The following MAP2K4 variants were observed in gnomAD, a reference collection of about 807,000 sequenced individuals.
MAP2K4 encodes dual specificity mitogen-activated protein kinase kinase 4.
MAP2K4 carries 4 observed loss-of-function variants against 48.5 expected under a neutral mutation model. The ratio of observed to expected loss-of-function variants is 0.08; its 90% CI spans 0.04 to 0.19. The LOEUF (loss-of-function observed/expected upper bound fraction) is 0.19, where lower values mean the gene tolerates loss of function less well. MAP2K4 is among the 10% of genes least tolerant of loss of function. The pLI, the probability that MAP2K4 is intolerant of heterozygous loss-of-function variation, is 1.00. For missense variants in MAP2K4, 258 were observed against 493.3 expected (o/e 0.52, Z 4.52); for synonymous variants, 166 against 173.1 (o/e 0.96, Z 0.32).
rs571894975 is a variant in MAP2K4 at position 12,127,571 on chromosome 17, AATTT to A, written c.892-1563_892-1560del. ...TATTCTGTACTTACAGTTGGTTCATAATTTATTTTTCATAGGGACAGTCTTATAA... is the reference window on the plus strand; with the variant it reads ...TATTCTGTACTTACAGTTGGTTCATAATTTTTCATAGGGACAGTCTTATAA... On this transcript the variant is annotated intron_variant, in intron 8 of 10. Transcript: ENST00000353533. Among the ~76,000 whole-genome samples the A allele has an allele frequency of 5.3e-4, 81 of 152,286 alleles. 3 individuals carry two copies. In the South Asian group the frequency reaches 5.4e-3, roughly 10 times the overall value.
At position 12,107,909 on chromosome 17, in the gene MAP2K4, A is replaced by G. The variant is rs1467442021; in HGVS notation, c.633A>G (p.Ala211=). 1.0e-5 allele frequency: 16 copies of G among 1,590,522 alleles called. No homozygotes were observed. Among genetic ancestry groups the G allele is most frequent in the African/African-American group, 1.4e-5 (1 of 73,354 alleles). The change falls in exon 5 of 11, where the codon GCA becomes GCG. Residue 211 remains alanine (A), a splice_region_variant and synonymous_variant. Coordinates refer to ENST00000353533, the MANE Select transcript of MAP2K4 (RefSeq NM_003010.4). ...AAATTTTAGGCAAAATCACTTTAGC[A>G]GTAAGTACCTGGTCTTTAAATTATT... ...PEEILGKITL[A]TVKALNHLKE... is the part of the protein sequence containing the mutation.
intron 3 of MAP2K4, among the ~76,000 whole-genome samples, chr17:12,085,488 A>T (rs1218450350): frequency 6.6e-6 from 1 of 151,864 alleles, no homozygotes; most frequent in Non-Finnish European, 1.5e-5. Flanking sequence ...TGAGTTAGCA[A>T]TGTGACCTGG....
chr17:12,126,853 C>G (rs1409346236), intron 8 of MAP2K4, among the ~76,000 whole-genome samples: 1 of 152,178 alleles, frequency 6.6e-6, no homozygotes, highest in East Asian at 1.9e-4. Context: ...GCTTCTTTAG[C>G]TGCTTCTACA....
intron 2 of MAP2K4, among the ~76,000 whole-genome samples, chr17:12,080,012 T>G (rs1345379337): frequency 6.6e-6 from 1 of 152,214 alleles, no homozygotes; most frequent in Non-Finnish European, 1.5e-5. Flanking sequence ...TCACTTAGTA[T>G]GATTTGAAAG....
chr17:12,025,806 A>C (rs1387268592), intron 1 of MAP2K4, among the ~76,000 whole-genome samples: 1 of 152,222 alleles, frequency 6.6e-6, no homozygotes, highest in African/African-American at 2.4e-5. Context: ...TATTTCTCCC[A>C]AAAATATTTG....
intron 7 of MAP2K4, among the ~76,000 whole-genome samples, chr17:12,122,185 C>CTTA (rs1262910326): frequency 6.6e-6 from 1 of 152,232 alleles, no homozygotes; most frequent in Non-Finnish European, 1.5e-5. Flanking sequence ...TTCACCTTAT[C>CTTA]TTATTTAAGT....
chr17:12,050,713 G>A (rs1567633679), intron 1 of MAP2K4, among the ~76,000 whole-genome samples: 1 of 152,166 alleles, frequency 6.6e-6, no homozygotes, highest in Non-Finnish European at 1.5e-5. Context: ...TGAGAAGTTA[G>A]TGGAGGGAGA....
At position 12,142,620 on chromosome 17, in the gene MAP2K4, C is replaced by T. The variant is rs900368453; in HGVS notation, c.*1360C>T. The T allele has an allele frequency of 4.7e-5, 11 of 232,950 alleles. No homozygotes were observed. The Admixed American group carries it at 5.1e-4, about 11-fold the overall frequency. 14.4% of individuals were successfully genotyped at this position (232,950 alleles called of 1,614,324 possible). A position where few individuals can be genotyped will look rare whatever the true frequency, so the allele number is the denominator to read the frequency against. On this transcript the variant is annotated 3_prime_UTR_variant, in exon 11 of 11. Transcript: ENST00000353533. ...TGAGGATCCGAAACGGCAGCCTTTA[C>T]GTTCATCACCTGCTAGAACCTCTCG...
intron 1 of MAP2K4, among the ~76,000 whole-genome samples, chr17:12,038,448 A>G (rs1278750961): frequency 6.6e-6 from 1 of 152,206 alleles, no homozygotes; most frequent in Non-Finnish European, 1.5e-5. Context: ...TCCCCTTTAG[A>G]GAAGCTCTTA....
Position 12,142,063 on chromosome 17 carries a change from T to A in MAP2K4, c.*803T>A. The stretch of plus-strand genomic sequence containing the variant: ...TTTTCATTCTCAGAATTCGGTGTGC[T>A]GCCAACTTGATGTTCCACCTGCCAC... On this transcript the variant is annotated 3_prime_UTR_variant, in exon 11 of 11. Coordinates refer to ENST00000353533, the MANE Select transcript of MAP2K4 (RefSeq NM_003010.4). The A allele has an allele frequency of 4.3e-6, 1 of 233,328 alleles. No individual in the cohort carries two copies. The highest frequency in any genetic ancestry group is 6.0e-5 in the East Asian group (1 of 16,578). The allele number at this position is 233,328 out of a possible 1,614,324, so 14.5% of individuals were successfully genotyped here.
rs146728036 is a variant in MAP2K4 at position 12,128,027 on chromosome 17, C to T, written c.892-1112C>T. ...GCATGTAAAATGGGATTCATTATGC[C>T]ATGGTGCAGATTTAAATATGTTTCT... On this transcript the variant is annotated intron_variant, in intron 8 of 10. Coordinates refer to ENST00000353533, the MANE Select transcript of MAP2K4 (RefSeq NM_003010.4). 2.6e-3 allele frequency among the ~76,000 whole-genome samples: 396 copies of T among 152,264 alleles called. 3 individuals are homozygous for T. Among genetic ancestry groups the T allele is most frequent in the African/African-American group, 8.9e-3 (371 of 41,550 alleles).
At chr17:12,079,006 C>T (rs886361403) in intron 2 of MAP2K4, among the ~76,000 whole-genome samples, 2 of 152,200 alleles carry the variant, frequency 1.3e-5, no homozygotes, top group Non-Finnish European at 2.9e-5. Flanking sequence ...GTTTTTACAG[C>T]ACTTTTTCTT....
At chr17:12,128,682 A>AAGC (rs1322573584) in intron 8 of MAP2K4, among the ~76,000 whole-genome samples, 23 of 152,200 alleles carry the variant, frequency 1.5e-4, no homozygotes, top group African/African-American at 5.5e-4. Flanking sequence ...CCAAGCTCAG[A>AAGC]TTAGGCTTTT....
intron 3 of MAP2K4, among the ~76,000 whole-genome samples, chr17:12,093,372 G>A (rs938071220): frequency 1.6e-4 from 25 of 152,122 alleles, no homozygotes. Context: ...TAAGATGTTG[G>A]AACTTCAGTT....
intron 1 of MAP2K4, chr17:12,026,910 A>G (rs555412023): frequency 6.6e-6 from 1 of 152,346 alleles, no homozygotes; most frequent in African/African-American, 2.4e-5. Flanking sequence ...AGACATTTCG[A>G]TTGGGAATCT....
chr17:12,084,928 G>GAGAA (rs34700787), intron 3 of MAP2K4, among the ~76,000 whole-genome samples: 25,565 of 152,072 alleles, frequency 0.17, 2,510 homozygotes, highest in South Asian at 0.3. Context: ...CAGGAGAAAA[G>GAGAA]AGAGTAAATG....
intron 1 of MAP2K4, chr17:12,036,361 A>G (rs1969597408): frequency 6.6e-6 from 1 of 152,242 alleles, no homozygotes; most frequent in African/African-American, 2.4e-5. Flanking sequence ...GTTTTTGTAC[A>G]TGTAAAGGTA....
Position 12,117,409 on chromosome 17 carries a change from T to TA in MAP2K4, c.813+4060dup, listed in dbSNP as rs561108727. ...TCTTGTTGATTCAGTGTTCCCAAGG[T>TA]AAAAAAAAAAAGACCCTTGTGGCCC... On this transcript the variant is annotated intron_variant, in intron 7 of 10. Coordinates refer to ENST00000353533, the MANE Select transcript of MAP2K4 (RefSeq NM_003010.4). Among the ~76,000 whole-genome samples the TA allele has an allele frequency of 4.3e-3, 614 of 144,056 alleles. 6 individuals carry two copies. The East Asian group carries it at 0.046, about 11-fold the overall frequency. 94.5% of individuals were successfully genotyped at this position (144,056 alleles called of 152,430 possible).
In MAP2K4 at chr17:12,106,682, C is replaced by T. The variant is rs574680106; in HGVS notation, c.514-1108C>T. 6.6e-5 allele frequency among the ~76,000 whole-genome samples: 10 copies of T among 152,150 alleles called. No homozygotes were observed. The South Asian group carries it at 1.5e-3, about 22-fold the overall frequency. ...GTATTTATAAATAAGTAACAACATACAGAACTGTATAATTTTTTAAAAATC... is the reference window on the plus strand; with the variant it reads ...GTATTTATAAATAAGTAACAACATATAGAACTGTATAATTTTTTAAAAATC... On this transcript the variant is annotated intron_variant, in intron 4 of 10. Transcript: ENST00000353533.
Sources: allele counts gnomAD v4.1 joint callset (sites outside exome capture counted in the v4.1 genomes callset), GRCh38; gene constraint gnomAD v4.1.1; transcripts MANE v1.5; gene names NCBI Gene and HGNC (gene_info 2026-07-23, HGNC 2026-07-21).